DUSP11: variants seen among roughly 807,000 people sequenced by gnomAD.
The protein encoded by DUSP11 is RNA/RNP complex-1-interacting phosphatase.
A neutral mutation model predicts 41.4 loss-of-function variants in DUSP11; 27 were observed. The ratio of observed to expected loss-of-function variants is 0.65; its 90% confidence interval spans 0.48 to 0.90. The LOEUF is 0.90. Ranked by LOEUF, DUSP11 falls within the 40% of genes least tolerant of loss-of-function variation. DUSP11 has a pLI of 0.00. For missense variants in DUSP11, 465 were observed against 461.1 expected, an observed-to-expected ratio of 1.01 and a Z score of -0.08; for synonymous variants, 188 against 159.3, an observed-to-expected ratio of 1.18 and a Z score of -1.35.
intron 5 of DUSP11, 138 bp downstream of exon 5, chr2:73,769,127 G>C: frequency 1.6e-6 from 1 of 636,836 alleles, no homozygotes; most frequent in South Asian, 2.2e-5. Context: ...ATTAATGGTG[G>C]TAATCTCTGG....
At chr2:73,776,558 T>C (rs1672690830) in intron 2 of DUSP11, among the ~76,000 whole-genome samples, 1 of 152,072 alleles carries the variant, frequency 6.6e-6, no homozygotes, top group Admixed American at 6.6e-5. Flanking sequence ...TCCATACCAG[T>C]GTGGTCCATT....
chr2:73,774,895 T>C lies in DUSP11; in HGVS notation c.450+18A>G, dbSNP rs375599674. The C allele has an allele frequency of 2.5e-5, 38 of 1,509,034 alleles. 1 individual carries two copies. The highest frequency in any genetic ancestry group is 1.1e-4 in the African/African-American group (8 of 71,360). The allele number at this position is 1,509,034 out of a possible 1,614,324, so 93.5% of individuals were successfully genotyped here. On this transcript the variant is annotated intron_variant, in intron 3 of 8. Transcript: ENST00000272444. ...ATCAGAAGGAAGAAAGTTCTTTTCA[T>C]TGAAGGGTTCCACTTACCTCTGGTT...
At chr2:73,775,146 AG>A (rs1213245885) in intron 2 of DUSP11, 102 bp from the exon 3 acceptor site, 1 of 1,037,752 alleles carries the variant, frequency 9.6e-7, no homozygotes, top group East Asian at 2.5e-5. Context: ...CGAGATTCAA[AG>A]GAAAGTTTCC....
exon 2 of DUSP11, chr2:73,778,360 G>C: frequency 6.5e-7 from 1 of 1,544,372 alleles, no homozygotes; most frequent in Non-Finnish European, 8.7e-7. Context: ...TGTCCAACTG[G>C]GAGATAGTCT....
At chr2:73,765,573 TATCCATCCATCCATCC>T (rs747641644) in intron 8 of DUSP11, among the ~76,000 whole-genome samples, 5 of 151,476 alleles carry the variant, frequency 3.3e-5, no homozygotes, top group South Asian at 4.2e-4. Context: ...CCCATCCATC[TATCCATCCATCCATCC>T]ATCCATCCAT....
At chr2:73,763,058 CTAA>C (rs1672392969) in intron 8 of DUSP11, among the ~76,000 whole-genome samples, 199 bp from the exon 9 acceptor site, 1 of 151,898 alleles carries the variant, frequency 6.6e-6, no homozygotes, top group Admixed American at 6.6e-5. Flanking sequence ...TAAAATGGGG[CTAA>C]TAATACTTTT....
Position 73,780,046 on chromosome 2 carries a change from G to A in DUSP11, c.70C>T (p.Pro24Ser), listed in dbSNP as rs778868113. 7 of 1,612,696 alleles carry A rather than the reference G, an allele frequency of 4.3e-6. No homozygotes were observed. Among genetic ancestry groups the A allele is most frequent in the South Asian group, 1.1e-5 (1 of 90,990 alleles). Residue 24 changes from proline to serine, a missense_variant, in exon 1 of 9, where the codon CCT becomes TCT. Transcript: ENST00000272444. ...GCCAGTCCGGCGCCCTCAATGCCAG[G>A]ATAAGACCCTAAACAGGAAAAGACT...
intron 1 of DUSP11, among the ~76,000 whole-genome samples, chr2:73,778,719 T>C (rs764724912): frequency 1.3e-5 from 2 of 152,194 alleles, no homozygotes; most frequent in Non-Finnish European, 2.9e-5. Context: ...CTGAAATAAT[T>C]TAAATTCAAT....
intron 7 of DUSP11, 93 bp from the exon 8 acceptor site, chr2:73,766,687 C>A (rs1353996090): frequency 2.1e-6 from 3 of 1,416,940 alleles, no homozygotes; most frequent in African/African-American, 2.9e-5. Flanking sequence ...ATAACAATTT[C>A]TTCCTTCTCC....
intron 4 of DUSP11, among the ~76,000 whole-genome samples, chr2:73,772,339 G>A (rs1273064218): frequency 6.6e-6 from 1 of 152,130 alleles, no homozygotes; most frequent in Admixed American, 6.5e-5. Flanking sequence ...CAGTGAGCCT[G>A]TTATCTGTGG....
intron 2 of DUSP11, 58 bp from the exon 3 acceptor site, chr2:73,775,102 G>A: frequency 1.4e-6 from 2 of 1,471,332 alleles, no homozygotes; most frequent in Admixed American, 2.1e-5. Flanking sequence ...ACTACATTAG[G>A]CATTTATTCA....
chr2:73,769,165 A>C, intron 5 of DUSP11, 100 bp downstream of exon 5: 2 of 962,304 alleles, frequency 2.1e-6, no homozygotes, highest in South Asian at 1.5e-5. Flanking sequence ...CTTCTACTTC[A>C]TGTATTTCTA....
exon 1 of DUSP11, chr2:73,779,973 A>C (rs2103955013): frequency 6.2e-7 from 1 of 1,614,242 alleles, no homozygotes; most frequent in East Asian, 2.2e-5. Flanking sequence ...CCACTGGCTC[A>C]TGTGGGTCCC....
chr2:73,776,631 C>T (rs1279900351), intron 2 of DUSP11, among the ~76,000 whole-genome samples: 2 of 151,996 alleles, frequency 1.3e-5, no homozygotes, highest in Non-Finnish European at 2.9e-5. Context: ...GTTAGGTATG[C>T]GTGATTCATT....
chr2:73,764,230 G>T (rs960160595), intron 8 of DUSP11, among the ~76,000 whole-genome samples: 1 of 152,080 alleles, frequency 6.6e-6, no homozygotes, highest in Non-Finnish European at 1.5e-5. Context: ...TTTCAATGCC[G>T]CAAGTGACAT....
At chr2:73,767,296 A>C in intron 5 of DUSP11, 89 bp from the exon 6 acceptor site, 1 of 936,606 alleles carries the variant, frequency 1.1e-6, no homozygotes, top group South Asian at 1.4e-5. Flanking sequence ...ACTTATAGAC[A>C]TAGATATAAA....
chr2:73,770,677 A>G (rs1672557315), intron 4 of DUSP11, among the ~76,000 whole-genome samples: 1 of 152,126 alleles, frequency 6.6e-6, no homozygotes, highest in African/African-American at 2.4e-5. Flanking sequence ...TAAAAATCTC[A>G]ATTTAGCATA....
chr2:73,779,397 G>A (rs1166079106), intron 1 of DUSP11: 1 of 176,538 alleles, frequency 5.7e-6, no homozygotes, highest in Non-Finnish European at 1.2e-5. Context: ...ACGTATAAAG[G>A]AGTTATCTTT....
At chr2:73,775,728 G>A (rs1251786951) in intron 2 of DUSP11, among the ~76,000 whole-genome samples, 5 of 150,598 alleles carry the variant, frequency 3.3e-5, no homozygotes, top group African/African-American at 1.2e-4. Context: ...GGTGGCAGGC[G>A]CCTGTAGTCC....
Sources: allele counts gnomAD v4.1 joint callset (sites outside exome capture counted in the v4.1 genomes callset), GRCh38; gene constraint gnomAD v4.1.1; transcripts MANE v1.5; gene names NCBI Gene and HGNC (gene_info 2026-07-23, HGNC 2026-07-21).